The following C8orf34 variants were observed in gnomAD, a reference collection of about 807,000 sequenced individuals.
C8orf34 encodes the protein chromosome 8 open reading frame 34, also known as uncharacterized protein C8orf34.
Under a neutral mutation model 68.3 loss-of-function variants are expected in C8orf34, and 65 were observed. That is an observed-to-expected ratio of 0.95 (90% CI 0.78 to 1.17). The LOEUF (loss-of-function observed/expected upper bound fraction) is 1.17, where lower values mean the gene tolerates loss of function less well. Among genes scored for constraint, C8orf34 ranks in the 50% most tolerant of loss-of-function variants. The pLI, the probability that C8orf34 is intolerant of heterozygous loss-of-function variation, is 0.00. For synonymous variants in C8orf34, 244 were observed against 241.2 expected (o/e 1.01, Z -0.11); for missense variants, 664 against 655.4 (o/e 1.01, Z -0.14).
intron 5 of C8orf34, among the ~76,000 whole-genome samples, chr8:68,498,917 G>A (rs1813646057): frequency 1.3e-5 from 2 of 152,306 alleles, no homozygotes; most frequent in South Asian, 2.1e-4. Flanking sequence ...CACAAGTTGA[G>A]TCTGGAATAT....
intron 7 of C8orf34, among the ~76,000 whole-genome samples, chr8:68,633,242 C>A (rs1228268915): frequency 6.6e-6 from 1 of 152,072 alleles, no homozygotes; most frequent in Non-Finnish European, 1.5e-5. Context: ...ATAATCAATG[C>A]AATTCTTAGT....
intron 1 of C8orf34, among the ~76,000 whole-genome samples, chr8:68,353,701 C>T (rs1806622480): frequency 6.7e-6 from 1 of 148,820 alleles, no homozygotes; most frequent in Non-Finnish European, 1.5e-5. Context: ...ATTCAACCAA[C>T]TGTGGAATGA....
At chr8:68,596,456 C>T (rs1817549270) in intron 7 of C8orf34, among the ~76,000 whole-genome samples, 1 of 152,042 alleles carries the variant, frequency 6.6e-6, no homozygotes, top group African/African-American at 2.4e-5. Flanking sequence ...GATTTTTACT[C>T]TACTTGCAAG....
chr8:68,456,831 T>G (rs1811574266), intron 3 of C8orf34, among the ~76,000 whole-genome samples: 1 of 152,200 alleles, frequency 6.6e-6, no homozygotes, highest in Admixed American at 6.5e-5. Flanking sequence ...CAGTCTTCAA[T>G]AGTTATGTGT....
chr8:68,743,469 A>G (rs1032639660), intron 10 of C8orf34, among the ~76,000 whole-genome samples: 2 of 152,108 alleles, frequency 1.3e-5, no homozygotes, highest in African/African-American at 4.8e-5. Flanking sequence ...TCATCTCACT[A>G]GGGAATGCCA....
At chr8:68,793,252 T>C (rs931802044) in intron 12 of C8orf34, among the ~76,000 whole-genome samples, 1 of 152,150 alleles carries the variant, frequency 6.6e-6, no homozygotes, top group Non-Finnish European at 1.5e-5. Flanking sequence ...ACAGTGGAAT[T>C]TTCTTCAGTT....
chr8:68,497,915 G>A (rs1051442704), intron 5 of C8orf34, among the ~76,000 whole-genome samples: 12 of 152,082 alleles, frequency 7.9e-5, no homozygotes, highest in East Asian at 7.7e-4. Flanking sequence ...CGCAACCTCC[G>A]CCTCCCGGGT....
At chr8:68,380,339 A>C (rs1355918730) in intron 1 of C8orf34, among the ~76,000 whole-genome samples, 1 of 152,264 alleles carries the variant, frequency 6.6e-6, no homozygotes, top group East Asian at 1.9e-4. Flanking sequence ...AGAGAAACTG[A>C]GTTCAGCCAG....
intron 4 of C8orf34, among the ~76,000 whole-genome samples, chr8:68,483,269 T>C (rs1348244605): frequency 6.6e-6 from 1 of 152,206 alleles, no homozygotes; most frequent in Non-Finnish European, 1.5e-5. Flanking sequence ...GATACTAATG[T>C]GTTTTGTGCT....
intron 1 of C8orf34, among the ~76,000 whole-genome samples, chr8:68,343,688 G>A (rs1213604461): frequency 6.6e-6 from 1 of 151,948 alleles, no homozygotes; most frequent in Non-Finnish European, 1.5e-5. Flanking sequence ...CTGCCTCCTG[G>A]GTTCAAACGA....
At chr8:68,430,134 G>T (rs1204256798) in intron 1 of C8orf34, among the ~76,000 whole-genome samples, 2 of 152,132 alleles carry the variant, frequency 1.3e-5, no homozygotes, top group East Asian at 3.9e-4. Flanking sequence ...AATGGCCAAT[G>T]ATTTAATCAA....
intron 1 of C8orf34, among the ~76,000 whole-genome samples, chr8:68,381,242 GCTCTA>G (rs1393924083): frequency 1.3e-5 from 2 of 152,096 alleles, no homozygotes; most frequent in African/African-American, 2.4e-5. Context: ...GCATTCAAGT[GCTCTA>G]CTCTAAGTTT....
At chr8:68,537,620 A>G (rs557499391) in intron 7 of C8orf34, among the ~76,000 whole-genome samples, 1 of 152,158 alleles carries the variant, frequency 6.6e-6, no homozygotes, top group South Asian at 2.1e-4. Flanking sequence ...TCTAGCATAG[A>G]CTTGAGAAAA....
chr8:68,621,923 G>A (rs1388497249), intron 7 of C8orf34, among the ~76,000 whole-genome samples: 2 of 152,172 alleles, frequency 1.3e-5, no homozygotes, highest in East Asian at 3.9e-4. Context: ...GTGTCTGTGG[G>A]TCAGGACTCT....
At chr8:68,504,678 C>A (rs1813926353) in intron 5 of C8orf34, among the ~76,000 whole-genome samples, 1 of 146,612 alleles carries the variant, frequency 6.8e-6, no homozygotes, top group Non-Finnish European at 1.5e-5. Context: ...TGTCACCATG[C>A]CTAATTTTTT....
At chr8:68,567,929 G>A (rs1281143710) in intron 7 of C8orf34, among the ~76,000 whole-genome samples, 2 of 151,904 alleles carry the variant, frequency 1.3e-5, no homozygotes, top group South Asian at 2.1e-4. Flanking sequence ...GAAAGTGAGA[G>A]ACATGCAACC....
chr8:68,630,802 C>T (rs1287912162), intron 7 of C8orf34, among the ~76,000 whole-genome samples: 1 of 151,772 alleles, frequency 6.6e-6, no homozygotes, highest in Non-Finnish European at 1.5e-5. Context: ...TTTTTGCAGA[C>T]AGGATCTCAC....
At chr8:68,735,549 C>T (rs1022223798) in intron 10 of C8orf34, among the ~76,000 whole-genome samples, 3 of 152,044 alleles carry the variant, frequency 2.0e-5, no homozygotes, top group Non-Finnish European at 4.4e-5. Context: ...TTGCTTTGGT[C>T]AAGTAACAAA....
At chr8:68,472,047 C>CT (rs1383689705) in intron 4 of C8orf34, among the ~76,000 whole-genome samples, 10 of 151,880 alleles carry the variant, frequency 6.6e-5, no homozygotes, top group African/African-American at 2.2e-4. Context: ...GTACCATGCT[C>CT]TTTTTCTGGC....
Sources: gnomAD v4.1 joint callset for allele counts (sites outside exome capture counted in the v4.1 genomes callset) on GRCh38, gnomAD v4.1.1 for gene constraint, MANE v1.5 for transcripts, NCBI Gene and HGNC (gene_info 2026-07-23, HGNC 2026-07-21) for gene names.